Variants in ITSN1 observed in about 807,000 individuals in gnomAD.
ITSN1 encodes the protein intersectin-1.
ITSN1 carries 58 observed loss-of-function variants against 239.8 expected under a neutral mutation model. The observed-to-expected ratio is 0.24, with a 90% CI of 0.20 to 0.30. The LOEUF is 0.30. Ranked by LOEUF, ITSN1 falls within the 10% of genes least tolerant of loss-of-function variation. ITSN1 has a pLI of 1.00. For synonymous variants in ITSN1, 780 were observed against 770.8 expected (o/e 1.01, Z -0.20); for missense variants, 1,558 against 2,103.3 (o/e 0.74, Z 5.07).
chr21:33,714,198 C>T (rs1392211383), intron 1 of ITSN1, among the ~76,000 whole-genome samples: 1 of 152,216 alleles, frequency 6.6e-6, no homozygotes, highest in East Asian at 1.9e-4. Flanking sequence ...CATCTTCATT[C>T]ATACATAAAC....
intron 6 of ITSN1, among the ~76,000 whole-genome samples, chr21:33,751,592 T>G (rs2067557934): frequency 6.6e-6 from 1 of 152,232 alleles, no homozygotes; most frequent in African/African-American, 2.4e-5. Context: ...TCAGCATTAC[T>G]ACATAGTAAG....
chr21:33,836,846 C>G, intron 29 of ITSN1: 1 of 658,012 alleles, frequency 1.5e-6, no homozygotes, highest in Non-Finnish European at 2.6e-6. Flanking sequence ...TAGCATGTCC[C>G]CTCCCTCCCC....
intron 1 of ITSN1, among the ~76,000 whole-genome samples, chr21:33,644,187 T>G (rs1436875405): frequency 4.6e-5 from 7 of 152,284 alleles, no homozygotes; most frequent in African/African-American, 1.7e-4. Flanking sequence ...TGTTTAAAAT[T>G]TCTTTTACTG....
rs1365034134 is a variant in ITSN1, at chr21:33,888,490, G to C, written c.*190G>C. 1.2e-5 allele frequency: 7 copies of C among 599,968 alleles called. No individual in the cohort carries two copies. The highest frequency in any genetic ancestry group is 2.0e-5 in the Non-Finnish European group (7 of 349,830). The allele number at this position is 599,968 out of a possible 1,614,324, so 37.2% of individuals were successfully genotyped here. A position where few individuals can be genotyped will look rare whatever the true frequency, so the allele number is the denominator to read the frequency against. ...CCTCCCTGCCCCGAAACAATTTCCT[G>C]TTTCATGAAACAAAGCTGTGTTTTC... On this transcript the variant is annotated 3_prime_UTR_variant, in exon 40 of 40. Transcript: ENST00000381318.
chr21:33,864,798 T>C (rs1981275021), intron 31 of ITSN1, among the ~76,000 whole-genome samples: 1 of 152,162 alleles, frequency 6.6e-6, no homozygotes, highest in African/African-American at 2.4e-5. Flanking sequence ...CTCCTGGAAA[T>C]AGGATCAGTG....
rs191533598 is a variant in ITSN1 at position 33,873,698 on chromosome 21, C to T, written c.4174-1656C>T. ...TCAGTCTGGCCAACATGGCGAGACC[C>T]CCGTCTCCACTAAAAATACAAAAAT... On this transcript the variant is annotated intron_variant, in intron 33 of 39. Coordinates refer to ENST00000381318, the MANE Select transcript of ITSN1 (RefSeq NM_003024.3). Among the ~76,000 whole-genome samples the T allele has an allele frequency of 3.1e-3, 477 of 151,892 alleles. 3 individuals are homozygous for T. The highest frequency in any genetic ancestry group is 0.011 in the African/African-American group (453 of 41,384).
At chr21:33,877,872 TG>T in intron 34 of ITSN1, among the ~76,000 whole-genome samples, 1 of 149,652 alleles carries the variant, frequency 6.7e-6, no homozygotes, top group African/African-American at 2.5e-5. Flanking sequence ...CCAGTTTTCT[TG>T]GAGTTAAAAA....
chr21:33,835,319 A>G (rs896448843), intron 28 of ITSN1, among the ~76,000 whole-genome samples: 20 of 152,034 alleles, frequency 1.3e-4, no homozygotes, highest in African/African-American at 4.8e-4. Context: ...CCCTGGAGAG[A>G]TGTGTCAGTA....
intron 26 of ITSN1, chr21:33,829,310 G>T (rs1018656710): frequency 5.5e-6 from 2 of 362,026 alleles, no homozygotes; most frequent in Admixed American, 8.2e-5. Context: ...TATGGGAGGG[G>T]TGTGACAGAA....
intron 33 of ITSN1, among the ~76,000 whole-genome samples, chr21:33,870,660 T>C (rs1482971660): frequency 6.6e-6 from 1 of 152,210 alleles, no homozygotes; most frequent in Non-Finnish European, 1.5e-5. Context: ...GCATAGTGGC[T>C]CACACCCATA....
At chr21:33,644,705 T>G (rs2087769466) in intron 1 of ITSN1, among the ~76,000 whole-genome samples, 2 of 152,022 alleles carry the variant, frequency 1.3e-5, no homozygotes, top group Admixed American at 6.6e-5. Context: ...CCCTAAAGCT[T>G]ATCTTCAATA....
At chr21:33,790,844 A>G (rs1372406138) in intron 16 of ITSN1, among the ~76,000 whole-genome samples, 1 of 152,156 alleles carries the variant, frequency 6.6e-6, no homozygotes, top group Non-Finnish European at 1.5e-5. Context: ...TAATGGCACT[A>G]GATTTGTTTG....
At chr21:33,819,443 A>T (rs1569246710) in intron 24 of ITSN1, 120 bp downstream of exon 24, 1 of 608,784 alleles carries the variant, frequency 1.6e-6, no homozygotes. Flanking sequence ...ATTAAACTAC[A>T]GTAAAATGTA....
chr21:33,879,129 C>T (rs1340264491), intron 34 of ITSN1, among the ~76,000 whole-genome samples: 1 of 152,136 alleles, frequency 6.6e-6, no homozygotes, highest in Non-Finnish European at 1.5e-5. Context: ...AGGAGGATCC[C>T]TTGAGGCCAG....
chr21:33,771,440 A>T (rs976045365), intron 11 of ITSN1, among the ~76,000 whole-genome samples: 1 of 152,220 alleles, frequency 6.6e-6, no homozygotes, highest in East Asian at 1.9e-4. Context: ...GGATGATGGG[A>T]TTGTAGAAAA....
rs770743433 is a variant in ITSN1, at chr21:33,735,174, C to A, written c.316C>A (p.Pro106Thr). 9 of 1,613,468 alleles carry A rather than the reference C, an allele frequency of 5.6e-6. No individual in the cohort carries two copies. Among genetic ancestry groups the A allele is most frequent in the Non-Finnish European group, 1.7e-6 (2 of 1,179,786 alleles). The change falls in exon 5 of 40, where the codon CCA becomes ACA. Residue 106 changes from proline to threonine, a missense_variant. By Grantham distance (38) the Pro-to-Thr change is conservative. Transcript: ENST00000381318. ...ACTTCCCCCTGTCATGAAACAGCAA[C>A]CAGTTGCTATTTCTAGCGCACCAGC... The part of the protein sequence containing the change: ...SALPPVMKQQ[P>T]VAISSAPAFG...
rs927429719 is a variant in ITSN1 at position 33,882,171 on chromosome 21, C to T, written c.4342-72C>T. The T allele has an allele frequency of 4.5e-6, 6 of 1,347,182 alleles. No homozygotes were observed. Among genetic ancestry groups the T allele is most frequent in the South Asian group, 1.3e-5 (1 of 75,652 alleles). 83.5% of individuals were successfully genotyped at this position (1,347,182 alleles called of 1,614,324 possible). A position where few individuals can be genotyped will look rare whatever the true frequency, so the allele number is the denominator to read the frequency against. Reference sequence around the variant, plus strand: ...GTCTGCTGGGGCCTGGCCTCTGATTCTGATGGAGCCCATGCTTTCAGATGC... The same window carrying T: ...GTCTGCTGGGGCCTGGCCTCTGATTTTGATGGAGCCCATGCTTTCAGATGC... On this transcript the variant is annotated intron_variant, in intron 34 of 39. Coordinates refer to ENST00000381318, the MANE Select transcript of ITSN1 (RefSeq NM_003024.3). This position sits in a 1 kb window ranked among gnomAD's most constrained non-coding sequence, Gnocchi z 4.5.
In ITSN1 at chr21:33,721,202, C is replaced by A; in HGVS notation, c.53C>A (p.Thr18Asn). The change falls in exon 3 of 40, where the codon ACT (threonine) becomes AAT (asparagine). Residue 18 changes from threonine (T) to asparagine (N), a missense_variant. Thr to Asn is a moderately conservative substitution (Grantham distance 65). Coordinates refer to ENST00000381318, the MANE Select transcript of ITSN1 (RefSeq NM_003024.3). ...FGGSLDIWAI[T>N]VEERAKHDQQ... ...GGCAGCCTGGATATCTGGGCCATAA[C>A]TGTAGAGGAAAGAGCGAAGCATGAT... 2 of 1,613,232 alleles carry A rather than the reference C, an allele frequency of 1.2e-6. No individual in the cohort carries two copies. The highest frequency in any genetic ancestry group is 1.7e-6 in the Non-Finnish European group (2 of 1,179,226).
chr21:33,661,618 G>C (rs1022072395), intron 1 of ITSN1, among the ~76,000 whole-genome samples: 1 of 152,154 alleles, frequency 6.6e-6, no homozygotes, highest in Non-Finnish European at 1.5e-5. Flanking sequence ...TGGTTTGGCT[G>C]TGTCCCCACC....
Sources: gnomAD v4.1 joint callset for allele counts (sites outside exome capture counted in the v4.1 genomes callset) on GRCh38, gnomAD v4.1.1 for gene constraint, Gnocchi (gnomAD v3.1) non-coding constraint, MANE v1.5 for transcripts, NCBI Gene and HGNC (gene_info 2026-07-23, HGNC 2026-07-21) for gene names.